Variants in ACSM4 observed in about 807,000 individuals in gnomAD.
ACSM4 encodes the protein acyl-coenzyme A synthetase ACSM4, mitochondrial.
Under a neutral mutation model 73.0 loss-of-function variants are expected in ACSM4, and 66 were observed. The observed-to-expected ratio is 0.90, with a 90% CI of 0.74 to 1.11. ACSM4 has a LOEUF of 1.11. ACSM4 is among the 50% of genes least tolerant of loss of function. The probability of loss-of-function intolerance (pLI) is 0.00; values close to 1 mark genes in which losing one functional copy is unlikely to be tolerated. For synonymous variants in ACSM4, 222 were observed against 254.0 expected, an observed-to-expected ratio of 0.87 and a Z score of 1.20; for missense variants, 645 against 714.4, an observed-to-expected ratio of 0.90 and a Z score of 1.11.
At chr12:7,311,026 C>T (rs150513702) in intron 3 of ACSM4, among the ~76,000 whole-genome samples, 44 of 151,820 alleles carry the variant, frequency 2.9e-4, no homozygotes, top group Admixed American at 1.2e-3. Flanking sequence ...ATTAGCTGGG[C>T]GTGGTGATGC....
chr12:7,322,978 C>A (rs1946476146), intron 7 of ACSM4, among the ~76,000 whole-genome samples: 2 of 152,180 alleles, frequency 1.3e-5, no homozygotes, highest in Admixed American at 6.5e-5. Context: ...AATTCTTAGA[C>A]CCCATTCCAC....
rs759757691 is a variant in ACSM4, at chr12:7,317,266, C to T, written c.750C>T (p.Phe250=). The change falls in exon 4 of 13, where the codon TTC becomes TTT. Residue 250 remains phenylalanine, a synonymous_variant. Coordinates refer to ENST00000399422, the MANE Select transcript of ACSM4 (RefSeq NM_001080454.2). ...QHSQSSLGIG[F]TLCGRYWLDL... is the part of the protein sequence containing the mutation. ...CTCAGAGCAGCCTCGGCATTGGGTT[C>T]ACCCTCTGCGGAAGGTAGGGAAGAA... 5.7e-6 allele frequency: 9 copies of T among 1,575,186 alleles called. No homozygotes were observed. The highest frequency in any genetic ancestry group is 1.3e-5 in the African/African-American group (1 of 74,138).
At chr12:7,322,285 G>A in intron 6 of ACSM4, 133 bp from the exon 7 acceptor site, 1 of 1,231,338 alleles carries the variant, frequency 8.1e-7, no homozygotes, top group Non-Finnish European at 1.2e-6. Flanking sequence ...TGTTCAACAA[G>A]TATTTGTTGA....
At chr12:7,325,258 A>G (rs1364133137) in intron 11 of ACSM4, among the ~76,000 whole-genome samples, 2 of 152,274 alleles carry the variant, frequency 1.3e-5, no homozygotes, top group African/African-American at 4.8e-5. Context: ...ACTAAAAAGG[A>G]GGAACAGATA....
intron 2 of ACSM4, among the ~76,000 whole-genome samples, chr12:7,307,417 T>G (rs1406465147): frequency 6.6e-6 from 1 of 152,194 alleles, no homozygotes; most frequent in Non-Finnish European, 1.5e-5. Context: ...CTAGGACATG[T>G]TCATCCAGAT....
chr12:7,306,849 A>C (rs1375616464), intron 2 of ACSM4, 106 bp downstream of exon 2: 10 of 240,988 alleles, frequency 4.1e-5, no homozygotes, highest in East Asian at 1.5e-4. Flanking sequence ...ACAGAAGACA[A>C]AAAAAAAAAA....
chr12:7,309,832 A>G (rs924137532), intron 2 of ACSM4, among the ~76,000 whole-genome samples: 1 of 152,174 alleles, frequency 6.6e-6, no homozygotes, highest in Non-Finnish European at 1.5e-5. Context: ...CACCAAGGCT[A>G]GAATACAGTG....
At chr12:7,309,042 G>C (rs1946375848) in intron 2 of ACSM4, among the ~76,000 whole-genome samples, 1 of 152,190 alleles carries the variant, frequency 6.6e-6, no homozygotes, top group Non-Finnish European at 1.5e-5. Flanking sequence ...GTGATTATCT[G>C]TATCACTTTA....
In ACSM4 at chr12:7,323,240, AT is replaced by A; in HGVS notation, c.1135del (p.Cys379ValfsTer26). The A allele has an allele frequency of 6.2e-7, 1 of 1,607,968 alleles. No homozygotes were observed. Among genetic ancestry groups the A allele is most frequent in the Non-Finnish European group, 8.5e-7 (1 of 1,177,210 alleles). On this transcript the variant is annotated frameshift_variant, in exon 8 of 13. Transcript: ENST00000399422. LOFTEE classifies it high-confidence loss of function. ...EGYGQTEVGM[I>X]CANQKGQEIK... ...AAGCTTGTCCTCTCAATAGGGAATG[AT>A]TTGTGCCAATCAGAAAGGCCAAGAA...
intron 3 of ACSM4, among the ~76,000 whole-genome samples, chr12:7,313,600 T>G (rs1336769114): frequency 1.3e-5 from 2 of 152,178 alleles, no homozygotes; most frequent in African/African-American, 4.8e-5. Context: ...AGGTCAAAAT[T>G]ATAAGCCAGA....
intron 3 of ACSM4, among the ~76,000 whole-genome samples, chr12:7,313,166 T>C (rs761389611): frequency 6.6e-6 from 1 of 152,312 alleles, no homozygotes; most frequent in African/African-American, 2.4e-5. Context: ...CTTCAGAGAC[T>C]CCTGTCCTAA....
Position 7,326,897 on chromosome 12 carries a change from C to T in ACSM4, c.1537-79C>T, listed in dbSNP as rs761607130. The T allele has an allele frequency of 9.1e-6, 13 of 1,435,176 alleles. No homozygotes were observed. In the Admixed American group the frequency reaches 1.0e-4, roughly 11 times the overall value. The allele number at this position is 1,435,176 out of a possible 1,614,324, so 88.9% of individuals were successfully genotyped here. ...AACTGTTATTAATAAATAGTAAGCACCTGTGTTCAGCATTTGTTGCAAATC... is the reference window on the plus strand; with the variant it reads ...AACTGTTATTAATAAATAGTAAGCATCTGTGTTCAGCATTTGTTGCAAATC... On this transcript the variant is annotated intron_variant, in intron 11 of 12. Coordinates refer to ENST00000399422, the MANE Select transcript of ACSM4 (RefSeq NM_001080454.2).
chr12:7,310,245 T>C (rs750822430), intron 2 of ACSM4, among the ~76,000 whole-genome samples: 29 of 152,334 alleles, frequency 1.9e-4, no homozygotes, highest in African/African-American at 6.3e-4. Flanking sequence ...AGACACTTAC[T>C]GTTGTTATTC....
At chr12:7,325,396 C>T (rs775009310) in intron 11 of ACSM4, among the ~76,000 whole-genome samples, 5 of 152,186 alleles carry the variant, frequency 3.3e-5, no homozygotes, top group Admixed American at 6.5e-5. Flanking sequence ...CCTGTAATCC[C>T]GGCACTTTGG....
At chr12:7,310,844 C>A in intron 3 of ACSM4, 98 bp downstream of exon 3, 2 of 1,241,794 alleles carry the variant, frequency 1.6e-6, no homozygotes, top group South Asian at 1.4e-5. Context: ...GGAACACTGT[C>A]AGTTGATCTG....
intron 2 of ACSM4, 131 bp downstream of exon 2, chr12:7,306,874 A>G: frequency 1.1e-6 from 1 of 905,014 alleles, no homozygotes; most frequent in East Asian, 2.7e-5. Flanking sequence ...AGAAGAGTTA[A>G]GGCAATCATG....
At chr12:7,324,965 C>A (rs1946493223) in intron 11 of ACSM4, among the ~76,000 whole-genome samples, 1 of 152,166 alleles carries the variant, frequency 6.6e-6, no homozygotes, top group African/African-American at 2.4e-5. Flanking sequence ...GTTATGGCTC[C>A]AGTTGATCAG....
intron 10 of ACSM4, 49 bp from the exon 11 acceptor site, chr12:7,324,450 A>G (rs1565756278): frequency 1.9e-6 from 3 of 1,613,862 alleles, no homozygotes; most frequent in Non-Finnish European, 1.7e-6. Flanking sequence ...AGGGAGGGAG[A>G]TCTCTAACTT....
chr12:7,317,142 C>T lies in ACSM4; in HGVS notation c.626C>T (p.Ala209Val). 1 of 1,610,574 alleles carries T rather than the reference C, an allele frequency of 6.2e-7. No homozygotes were observed. ...TTGGGGTCCATATTTTGCAGATTCG[C>T]CTCTGAAGAGCACAGCTGTGTGGAA... is the stretch of plus-strand genomic sequence containing the variant. ...WLSFQELFQFASEEHSCVETG... is the reference protein window; with the variant it reads ...WLSFQELFQFVSEEHSCVETG... Residue 209 changes from alanine to valine, a missense_variant, in exon 4 of 13, where the codon GCC (alanine) becomes GTC (valine). Physicochemically the swap from Ala to Val is moderately conservative, Grantham distance 64. Coordinates refer to ENST00000399422, the MANE Select transcript of ACSM4 (RefSeq NM_001080454.2).
Sources: gnomAD v4.1 joint callset for allele counts (sites outside exome capture counted in the v4.1 genomes callset) on GRCh38, gnomAD v4.1.1 for gene constraint, MANE v1.5 for transcripts, NCBI Gene and HGNC (gene_info 2026-07-23, HGNC 2026-07-21) for gene names.